Variants in FAR2 observed in about 807,000 individuals in gnomAD.
The protein encoded by FAR2 is epididymis secretory protein Li 81.
In FAR2, 19 loss-of-function variants were observed where a neutral mutation model predicts 56.0. That is an observed-to-expected ratio of 0.34 (90% CI 0.24 to 0.50). The LOEUF (loss-of-function observed/expected upper bound fraction) is 0.50. Ranked by LOEUF, FAR2 falls within the 20% of genes least tolerant of loss-of-function variation. The pLI, the probability that FAR2 is intolerant of heterozygous loss-of-function variation, is 0.98. For synonymous variants in FAR2, 219 were observed against 218.8 expected, an observed-to-expected ratio of 1.00 and a Z score of -0.01; for missense variants, 508 against 642.2, an observed-to-expected ratio of 0.79 and a Z score of 2.26.
chr12:29,210,119 G>T (rs1277642063), intron 1 of FAR2, among the ~76,000 whole-genome samples: 2 of 152,070 alleles, frequency 1.3e-5, no homozygotes, highest in Admixed American at 6.6e-5. Context: ...AAAGTGGGAA[G>T]ATCAATTGAG....
intron 1 of FAR2, among the ~76,000 whole-genome samples, chr12:29,179,001 G>A (rs1949966613): frequency 6.6e-6 from 1 of 151,994 alleles, no homozygotes; most frequent in Non-Finnish European, 1.5e-5. Context: ...CTCTTTGGCT[G>A]GTAGATGGCC....
intron 1 of FAR2, among the ~76,000 whole-genome samples, chr12:29,247,148 T>G (rs566894346): frequency 4.3e-4 from 66 of 152,274 alleles, no homozygotes; most frequent in African/African-American, 1.6e-3. Flanking sequence ...GATTTCCAGT[T>G]TACTATATTA....
At chr12:29,207,986 G>C (rs1018153272) in intron 1 of FAR2, among the ~76,000 whole-genome samples, 3 of 152,158 alleles carry the variant, frequency 2.0e-5, no homozygotes, top group African/African-American at 7.2e-5. Flanking sequence ...AGGATTACTT[G>C]GGTCCAGAAG....
Position 29,182,366 on chromosome 12 carries a change from C to T in FAR2, c.-39+32959C>T, listed in dbSNP as rs569113128. On this transcript the variant is annotated intron_variant, in intron 1 of 11. Transcript: ENST00000536681. ...ATTGGTCCATTTTATAGAGTGCTGA[C>T]TGGTGCATTTACAATCCTTTAGCTA... is the stretch of plus-strand genomic sequence containing the variant. Among the ~76,000 whole-genome samples the T allele has an allele frequency of 8.3e-4, 126 of 152,288 alleles. 1 individual carries two copies. Among genetic ancestry groups the T allele is most frequent in the African/African-American group, 2.9e-3 (119 of 41,556 alleles).
intron 2 of FAR2, 116 bp downstream of exon 2, chr12:29,270,754 G>GCC: frequency 2.4e-6 from 2 of 833,888 alleles, no homozygotes; most frequent in Non-Finnish European, 3.4e-6. Flanking sequence ...TGCACAGGTA[G>GCC]AGGAAGGCAG....
intron 4 of FAR2, among the ~76,000 whole-genome samples, chr12:29,302,995 AG>A (rs1201544946): frequency 8.4e-4 from 128 of 152,220 alleles, no homozygotes; most frequent in Non-Finnish European, 4.4e-5. Flanking sequence ...TTGCATTTCT[AG>A]TACCAGGGAT....
At position 29,335,120 on chromosome 12, in the gene FAR2, G is replaced by A. The variant is rs1949778257; in HGVS notation, c.*1326G>A. 1.3e-5 allele frequency: 2 copies of A among 152,122 alleles called. No homozygotes were observed. The highest frequency in any genetic ancestry group is 4.8e-5 in the African/African-American group (2 of 41,422). 9.4% of individuals were successfully genotyped at this position (152,122 alleles called of 1,614,324 possible). On this transcript the variant is annotated 3_prime_UTR_variant, in exon 12 of 12. Transcript: ENST00000536681. ...GCATAACTAGTTGAAAATGGCATAG[G>A]CATAAAATGTTAATAAAGAATGGCA...
chr12:29,323,119 G>A (rs1339614981), intron 10 of FAR2, among the ~76,000 whole-genome samples: 1 of 152,254 alleles, frequency 6.6e-6, no homozygotes, highest in Non-Finnish European at 1.5e-5. Context: ...ATGGCTTGGA[G>A]GGTCCTATGC....
intron 1 of FAR2, among the ~76,000 whole-genome samples, chr12:29,190,775 G>A (rs562579536): frequency 4.5e-4 from 55 of 122,484 alleles, no homozygotes; most frequent in Non-Finnish European, 8.6e-4. Context: ...AATTCACGGT[G>A]GTTTTTATCT....
chr12:29,238,220 T>TC (rs1947970287), intron 1 of FAR2, among the ~76,000 whole-genome samples: 1 of 151,922 alleles, frequency 6.6e-6, no homozygotes, highest in Non-Finnish European at 1.5e-5. Context: ...GGCCAGATTT[T>TC]TTTCCTGCAT....
At chr12:29,222,953 T>C (rs1478655645) in intron 1 of FAR2, among the ~76,000 whole-genome samples, 1 of 152,152 alleles carries the variant, frequency 6.6e-6, no homozygotes, top group African/African-American at 2.4e-5. Context: ...ACACTGACAA[T>C]TTGGTCCAAA....
intron 1 of FAR2, among the ~76,000 whole-genome samples, chr12:29,216,692 T>C (rs1316684456): frequency 6.6e-6 from 1 of 152,222 alleles, no homozygotes; most frequent in African/African-American, 2.4e-5. Context: ...TTCAGGGGTT[T>C]TATTTTTCTT....
chr12:29,157,687 G>A (rs1205154561), intron 1 of FAR2, among the ~76,000 whole-genome samples: 1 of 152,118 alleles, frequency 6.6e-6, no homozygotes, highest in East Asian at 1.9e-4. Context: ...TTTAAAAATC[G>A]TGCACTATTT....
rs1350939855 is a variant in FAR2, at chr12:29,284,407, A to G, written c.190-8893A>G. Among the ~76,000 whole-genome samples the G allele has an allele frequency of 8.5e-5, 13 of 152,354 alleles. No homozygotes were observed. The East Asian group carries it at 2.5e-3, about 29-fold the overall frequency. On this transcript the variant is annotated intron_variant, in intron 2 of 11. Transcript: ENST00000536681. ...AGGGACTATCTTGAATGATATCACC[A>G]GTAAGTGGGTTTATAAACAAAGACA...
intron 1 of FAR2, among the ~76,000 whole-genome samples, chr12:29,211,286 G>A (rs749085649): frequency 2.2e-4 from 33 of 152,064 alleles, no homozygotes; most frequent in Admixed American, 3.9e-4. Context: ...GCAATACTCC[G>A]TCTCAAAAAG....
chr12:29,178,388 G>A (rs922422748), intron 1 of FAR2, among the ~76,000 whole-genome samples: 4 of 152,228 alleles, frequency 2.6e-5, no homozygotes, highest in Admixed American at 2.0e-4. Flanking sequence ...GAGCCCAGGA[G>A]TTGGAGACTA....
rs116847156 is a variant in FAR2, at chr12:29,260,193, G to A, written c.-38-10219G>A. Among the ~76,000 whole-genome samples the A allele has an allele frequency of 1.2e-3, 190 of 152,208 alleles. No homozygotes were observed. In the East Asian group the frequency reaches 0.031, roughly 25 times the overall value. The stretch of plus-strand genomic sequence containing the variant: ...CCAAATTTTTGCCATTGAAAGTAAT[G>A]GCAAACACTGCAATTATTTTTGTGC... On this transcript the variant is annotated intron_variant, in intron 1 of 11. Coordinates refer to ENST00000536681, the MANE Select transcript of FAR2 (RefSeq NM_001271783.2).
intron 1 of FAR2, among the ~76,000 whole-genome samples, chr12:29,159,704 T>C (rs1949764306): frequency 6.6e-6 from 1 of 152,176 alleles, no homozygotes; most frequent in African/African-American, 2.4e-5. Context: ...CCAGGTCCTC[T>C]CTTTCCTCAA....
chr12:29,308,709 C>CATATATATATATATATATATATATAT (rs1428996085), intron 5 of FAR2, among the ~76,000 whole-genome samples: 7 of 103,684 alleles, frequency 6.8e-5, no homozygotes, highest in African/African-American at 2.6e-4. Context: ...CACACACACA[C>CATATATATATATATATATATATATAT]ACACACACAC....
Sources: allele counts gnomAD v4.1 joint callset (sites outside exome capture counted in the v4.1 genomes callset), GRCh38; gene constraint gnomAD v4.1.1; transcripts MANE v1.5; gene names NCBI Gene and HGNC (gene_info 2026-07-23, HGNC 2026-07-21).